Variants in CBLB observed in about 807,000 individuals in gnomAD.
CBLB encodes the protein Cbl proto-oncogene B.
CBLB carries 31 observed loss-of-function variants against 104.9 expected under a neutral mutation model. The observed-to-expected ratio is 0.30, with a 90% CI of 0.22 to 0.40. CBLB has a LOEUF of 0.40. CBLB is among the 10% of genes least tolerant of loss of function. The probability of loss-of-function intolerance (pLI) is 1.00; values close to 1 mark genes in which losing one functional copy is unlikely to be tolerated. For missense variants in CBLB, 1,062 were observed against 1,214.6 expected (o/e 0.87, Z 1.87); for synonymous variants, 440 against 422.6 (o/e 1.04, Z -0.51).
chr3:105,864,582 T>C (rs1001349570), intron 2 of CBLB, among the ~76,000 whole-genome samples: 14 of 152,174 alleles, frequency 9.2e-5, no homozygotes, highest in African/African-American at 3.1e-4. Flanking sequence ...TGCTACTATC[T>C]ACTATTCTTT....
Position 105,720,235 on chromosome 3 carries a change from C to CTA in CBLB, c.1218_1219insTA (p.Gly407Ter). 1 of 1,612,902 alleles carries CTA rather than the reference C, an allele frequency of 6.2e-7. No individual in the cohort carries two copies. Among genetic ancestry groups the CTA allele is most frequent in the Non-Finnish European group, 8.5e-7 (1 of 1,179,620 alleles). On this transcript the variant is annotated frameshift_variant, in exon 10 of 19. Coordinates refer to ENST00000394030, the MANE Select transcript of CBLB (RefSeq NM_170662.5). LOFTEE classifies it high-confidence loss of function. ...ATTTCACAACGACAGAAAGGGCAGC[C>CTA]CTGACCATCCGACTCCTAAACAAAT...
chr3:105,700,088 C>T (rs1167211540), intron 12 of CBLB, among the ~76,000 whole-genome samples: 1 of 152,018 alleles, frequency 6.6e-6, no homozygotes, highest in Non-Finnish European at 1.5e-5. Context: ...TGAAAGTTCA[C>T]ACAGAAATAT....
rs561617907 is a variant in CBLB, at chr3:105,758,935, C to T, written c.567-7317G>A. Among the ~76,000 whole-genome samples the T allele has an allele frequency of 8.5e-5, 13 of 152,374 alleles. No homozygotes were observed. The South Asian group carries it at 2.5e-3, about 29-fold the overall frequency. On this transcript the variant is annotated intron_variant, in intron 4 of 18. Coordinates refer to ENST00000394030, the MANE Select transcript of CBLB (RefSeq NM_170662.5). ...ACAGCTCTTCTCTCCTTCTCATTGC[C>T]CACAATGTGGGGCGTGAAGGGGGTG...
intron 3 of CBLB, among the ~76,000 whole-genome samples, chr3:105,796,031 A>AT (rs2082221753): frequency 6.6e-6 from 1 of 152,052 alleles, no homozygotes; most frequent in Non-Finnish European, 1.5e-5. Context: ...CAACACCGTG[A>AT]TTTTTTAAAA....
intron 13 of CBLB, among the ~76,000 whole-genome samples, chr3:105,691,686 G>T (rs1438718368): frequency 6.6e-6 from 1 of 152,158 alleles, no homozygotes; most frequent in African/African-American, 2.4e-5. Context: ...TGTTGTCACT[G>T]ATTTAGAGCC....
intron 3 of CBLB, among the ~76,000 whole-genome samples, chr3:105,801,603 TTTC>T (rs1397108138): frequency 6.6e-6 from 1 of 152,256 alleles, no homozygotes; most frequent in Non-Finnish European, 1.5e-5. Flanking sequence ...TCTTCTTCAC[TTTC>T]TTCTTCACTG....
chr3:105,746,903 T>C (rs757155795), intron 5 of CBLB, among the ~76,000 whole-genome samples: 16 of 152,200 alleles, frequency 1.1e-4, no homozygotes, highest in Non-Finnish European at 1.8e-4. Flanking sequence ...AACAGATAGA[T>C]CCTCTAAATA....
chr3:105,845,227 T>C (rs1381123712), intron 3 of CBLB, among the ~76,000 whole-genome samples: 1 of 151,918 alleles, frequency 6.6e-6, no homozygotes, highest in Admixed American at 6.6e-5. Flanking sequence ...CAAATGCTCA[T>C]CTGTGGGGGA....
chr3:105,664,859 T>C (rs2064197881), intron 18 of CBLB, among the ~76,000 whole-genome samples: 1 of 152,186 alleles, frequency 6.6e-6, no homozygotes, highest in African/African-American at 2.4e-5. Flanking sequence ...ATCACTACTA[T>C]TCCATCACTA....
intron 3 of CBLB, among the ~76,000 whole-genome samples, chr3:105,823,691 T>C (rs185046898): frequency 2.0e-5 from 3 of 152,292 alleles, no homozygotes; most frequent in African/African-American, 4.8e-5. Context: ...CTCAGCAATC[T>C]TGACCTTTGA....
intron 3 of CBLB, among the ~76,000 whole-genome samples, chr3:105,805,880 A>C (rs2083435150): frequency 6.6e-6 from 1 of 151,820 alleles, no homozygotes; most frequent in African/African-American, 2.4e-5. Context: ...CCACTGCATG[A>C]TTCTTAAGAA....
chr3:105,772,436 A>G (rs1039051306), intron 4 of CBLB, among the ~76,000 whole-genome samples: 1 of 152,200 alleles, frequency 6.6e-6, no homozygotes, highest in Admixed American at 6.5e-5. Flanking sequence ...ATAACATCAA[A>G]GAAACTCTTC....
At chr3:105,768,988 G>A (rs979612041) in intron 4 of CBLB, among the ~76,000 whole-genome samples, 19 of 152,256 alleles carry the variant, frequency 1.2e-4, no homozygotes, top group Admixed American at 1.0e-3. Context: ...GATAGACATC[G>A]TCCATCTATG....
intron 2 of CBLB, among the ~76,000 whole-genome samples, chr3:105,854,665 T>C (rs1432558154): frequency 6.6e-6 from 1 of 151,848 alleles, no homozygotes; most frequent in Non-Finnish European, 1.5e-5. Flanking sequence ...CGGAGTCTCA[T>C]TCTGTCACCC....
At chr3:105,806,011 C>T (rs2083451916) in intron 3 of CBLB, among the ~76,000 whole-genome samples, 1 of 151,360 alleles carries the variant, frequency 6.6e-6, no homozygotes, top group African/African-American at 2.4e-5. Context: ...TCCCACAGTG[C>T]CTATTCCTCC....
At chr3:105,868,394 T>G (rs941740225) in intron 1 of CBLB, 2 of 416,506 alleles carry the variant, frequency 4.8e-6, no homozygotes, top group African/African-American at 4.1e-5. Context: ...GGGTCTGAGC[T>G]GCAGGAGGAA....
intron 4 of CBLB, among the ~76,000 whole-genome samples, chr3:105,769,164 A>G (rs1449767424): frequency 2.0e-5 from 3 of 152,014 alleles, no homozygotes; most frequent in African/African-American, 7.3e-5. Context: ...ACATACAAAA[A>G]AAACATTGCC....
chr3:105,730,453 C>A (rs1415068646), intron 9 of CBLB, among the ~76,000 whole-genome samples: 1 of 152,048 alleles, frequency 6.6e-6, no homozygotes, highest in Admixed American at 6.6e-5. Context: ...TACTTTTAGA[C>A]TTCCTTTTCT....
chr3:105,746,131 T>C, intron 5 of CBLB, 93 bp from the exon 6 acceptor site: 1 of 871,010 alleles, frequency 1.1e-6, no homozygotes, highest in East Asian at 2.7e-5. Context: ...CTTAACATTA[T>C]CTTGGATATT....
Sources: gnomAD v4.1 joint callset for allele counts (sites outside exome capture counted in the v4.1 genomes callset) on GRCh38, gnomAD v4.1.1 for gene constraint, MANE v1.5 for transcripts, NCBI Gene and HGNC (gene_info 2026-07-23, HGNC 2026-07-21) for gene names.